The following ADAMTSL1 variants were observed in gnomAD, a reference collection of about 807,000 sequenced individuals.
ADAMTSL1 encodes the protein ADAMTS-like protein 1.
In ADAMTSL1, 126 loss-of-function variants were observed where a neutral mutation model predicts 201.8. The ratio of observed to expected loss-of-function variants is 0.62; its 90% confidence interval spans 0.54 to 0.72. The LOEUF (loss-of-function observed/expected upper bound fraction) is 0.72, where lower values mean the gene tolerates loss of function less well. Ranked by LOEUF, ADAMTSL1 falls within the 30% of genes least tolerant of loss-of-function variation. The probability of loss-of-function intolerance (pLI) is 0.00; values close to 1 mark genes in which losing one functional copy is unlikely to be tolerated. For synonymous variants in ADAMTSL1, 1,121 were observed against 903.4 expected (o/e 1.24, Z -4.32); for missense variants, 2,679 against 2,277.8 (o/e 1.18, Z -3.59).
At chr9:18,019,587 C>T (rs982326359) in intron 1 of ADAMTSL1, among the ~76,000 whole-genome samples, 1 of 152,066 alleles carries the variant, frequency 6.6e-6, no homozygotes, top group Non-Finnish European at 1.5e-5. Flanking sequence ...TCAGCCATCT[C>T]AGCAGGAGCC....
At chr9:18,326,644 C>G (rs191898897) in intron 2 of ADAMTSL1, among the ~76,000 whole-genome samples, 1 of 152,250 alleles carries the variant, frequency 6.6e-6, no homozygotes, top group Non-Finnish European at 1.5e-5. Flanking sequence ...TTAGCACATT[C>G]CTCTTGAGTA....
chr9:17,998,615 G>A (rs1320119191), intron 1 of ADAMTSL1, among the ~76,000 whole-genome samples: 3 of 151,990 alleles, frequency 2.0e-5, no homozygotes, highest in African/African-American at 4.8e-5. Flanking sequence ...ATAATCTGAT[G>A]TTATGAAGTC....
intron 23 of ADAMTSL1, among the ~76,000 whole-genome samples, chr9:18,844,179 G>A (rs1201543828): frequency 6.6e-6 from 1 of 152,010 alleles, no homozygotes; most frequent in Non-Finnish European, 1.5e-5. Flanking sequence ...TCTACTTTTG[G>A]TCTTTGATGA....
At chr9:18,327,163 G>A (rs762065346) in intron 2 of ADAMTSL1, among the ~76,000 whole-genome samples, 5 of 152,270 alleles carry the variant, frequency 3.3e-5, no homozygotes, top group South Asian at 2.1e-4. Flanking sequence ...TCTTTCTAAA[G>A]AGCAGTGACA....
chr9:18,437,718 C>G (rs1233053619), intron 2 of ADAMTSL1, among the ~76,000 whole-genome samples: 1 of 152,052 alleles, frequency 6.6e-6, no homozygotes, highest in Non-Finnish European at 1.5e-5. Context: ...ACAAACAAAG[C>G]TCTTGACCCA....
chr9:18,245,589 T>C (rs1454509520), intron 2 of ADAMTSL1, among the ~76,000 whole-genome samples: 1 of 152,020 alleles, frequency 6.6e-6, no homozygotes, highest in Admixed American at 6.6e-5. Flanking sequence ...TCCTTAGGTG[T>C]CCCAGTTGAG....
chr9:18,150,446 T>A (rs1256385120), intron 1 of ADAMTSL1, among the ~76,000 whole-genome samples: 2 of 152,050 alleles, frequency 1.3e-5, no homozygotes, highest in Admixed American at 1.3e-4. Context: ...TATTGATAAT[T>A]TTAGCCAGGG....
chr9:18,241,105 CT>C (rs1831044982), intron 2 of ADAMTSL1, among the ~76,000 whole-genome samples: 1 of 152,116 alleles, frequency 6.6e-6, no homozygotes, highest in Admixed American at 6.6e-5. Context: ...TTTTAATTTC[CT>C]TCAAGAACTT....
chr9:18,573,927 T>C (rs1185586506), intron 3 of ADAMTSL1, 103 bp from the exon 4 acceptor site: 1 of 814,116 alleles, frequency 1.2e-6, no homozygotes, highest in Non-Finnish European at 2.0e-6. Context: ...CCAGGACATT[T>C]GTTTTGCTTT....
chr9:18,734,424 T>C (rs912948947), intron 15 of ADAMTSL1, among the ~76,000 whole-genome samples: 1 of 152,140 alleles, frequency 6.6e-6, no homozygotes, highest in Non-Finnish European at 1.5e-5. Context: ...TCCTATTTGC[T>C]CTAATCCTTG....
intron 2 of ADAMTSL1, among the ~76,000 whole-genome samples, chr9:18,508,443 C>G (rs1167248544): frequency 6.6e-6 from 1 of 152,164 alleles, no homozygotes; most frequent in Admixed American, 6.5e-5. Flanking sequence ...ATAGTCTCCT[C>G]CATATATAGT....
intron 1 of ADAMTSL1, among the ~76,000 whole-genome samples, chr9:18,024,873 C>T (rs1206234970): frequency 6.6e-6 from 1 of 152,088 alleles, no homozygotes; most frequent in Non-Finnish European, 1.5e-5. Flanking sequence ...AACTAATACA[C>T]ATTCCACCAA....
At chr9:18,051,632 C>A (rs1046175089) in intron 1 of ADAMTSL1, among the ~76,000 whole-genome samples, 25 of 151,316 alleles carry the variant, frequency 1.7e-4, no homozygotes, top group Admixed American at 1.4e-3. Context: ...TTTTATTTAC[C>A]ATGTAAATGG....
At chr9:18,684,211 G>C (rs1375990037) in intron 12 of ADAMTSL1, among the ~76,000 whole-genome samples, 1 of 152,044 alleles carries the variant, frequency 6.6e-6, no homozygotes, top group Non-Finnish European at 1.5e-5. Flanking sequence ...TACTGAATGA[G>C]TCAGATATCT....
chr9:18,206,476 C>A (rs566182578), intron 2 of ADAMTSL1, among the ~76,000 whole-genome samples: 62 of 152,208 alleles, frequency 4.1e-4, no homozygotes, highest in Non-Finnish European at 7.2e-4. Context: ...TCTCTATTGA[C>A]TTCATTGAGT....
At chr9:18,579,766 A>G (rs1246649509) in intron 4 of ADAMTSL1, among the ~76,000 whole-genome samples, 1 of 152,198 alleles carries the variant, frequency 6.6e-6, no homozygotes, top group Non-Finnish European at 1.5e-5. Context: ...AGTGAATTGC[A>G]TCCTGTACAG....
chr9:18,707,076 C>T (rs371803248), intron 14 of ADAMTSL1, 28 bp downstream of exon 14: 43 of 1,595,326 alleles, frequency 2.7e-5, no homozygotes, highest in East Asian at 1.8e-4. Flanking sequence ...GGCTCAGATC[C>T]CCGCCATCTT....
chr9:18,718,156 C>G (rs1833078798), intron 14 of ADAMTSL1: 2 of 827,912 alleles, frequency 2.4e-6, no homozygotes, highest in Non-Finnish European at 4.3e-6. Context: ...TTCCCTACAG[C>G]TCTTTCATCT....
At chr9:18,829,106 G>A (rs1029044082) in intron 22 of ADAMTSL1, among the ~76,000 whole-genome samples, 5 of 152,120 alleles carry the variant, frequency 3.3e-5, no homozygotes, top group Non-Finnish European at 5.9e-5. Context: ...ACTAAGTTCA[G>A]CAGGTTCTTG....
Sources: allele counts gnomAD v4.1 joint callset (sites outside exome capture counted in the v4.1 genomes callset), GRCh38; gene constraint gnomAD v4.1.1; transcripts MANE v1.5; gene names NCBI Gene and HGNC (gene_info 2026-07-23, HGNC 2026-07-21).